ABHD2: variants seen among roughly 807,000 people sequenced by gnomAD.
ABHD2 encodes abhydrolase domain containing 2, acylglycerol lipase.
Under a neutral mutation model 48.1 loss-of-function variants are expected in ABHD2, and 20 were observed. That is an observed-to-expected ratio of 0.42 (90% CI 0.29 to 0.60). The LOEUF (loss-of-function observed/expected upper bound fraction) is 0.60, where lower values mean the gene tolerates loss of function less well. Ranked by LOEUF, ABHD2 falls within the 20% of genes least tolerant of loss-of-function variation. The pLI, the probability that ABHD2 is intolerant of heterozygous loss-of-function variation, is 0.24. For missense variants in ABHD2, 405 were observed against 550.9 expected, an observed-to-expected ratio of 0.74 and a Z score of 2.65; for synonymous variants, 209 against 214.2, an observed-to-expected ratio of 0.98 and a Z score of 0.21.
At chr15:89,123,866 C>G (rs191572272) in intron 3 of ABHD2, among the ~76,000 whole-genome samples, 1 of 152,236 alleles carries the variant, frequency 6.6e-6, no homozygotes, top group East Asian at 1.9e-4. Flanking sequence ...CCTCAGCCTC[C>G]CAAAGTGCTG....
the ABHD2 span, among the ~76,000 whole-genome samples, chr15:89,080,862 A>G: frequency 1.3e-5 from 2 of 151,746 alleles, no homozygotes; most frequent in African/African-American, 2.4e-5. Context: ...ACCTGGCCCA[A>G]ATTTTACTCT....
chr15:89,144,985 A>T (rs35586445), intron 3 of ABHD2, among the ~76,000 whole-genome samples: 59,062 of 152,062 alleles, frequency 0.39, 12,242 homozygotes, highest in East Asian at 0.81. Flanking sequence ...GGCCGGGCAC[A>T]GTGGCTCACA....
At chr15:89,171,242 C>T (rs1050143350) in intron 5 of ABHD2, among the ~76,000 whole-genome samples, 3 of 152,224 alleles carry the variant, frequency 2.0e-5, no homozygotes, top group African/African-American at 7.2e-5. Flanking sequence ...CTTCTCAGCC[C>T]ACCCAGACCA....
rs1483238384 is a variant in ABHD2, at chr15:89,146,642, A to G, written c.195-5035A>G. Among the ~76,000 whole-genome samples the G allele has an allele frequency of 6.6e-6, 1 of 152,314 alleles. No individual in the cohort carries two copies. The highest frequency in any genetic ancestry group is 1.9e-4 in the East Asian group (1 of 5,188). ...TAAAGAAGTAGAAGAGACTGTTTCT[A>G]CTTTCAGGGAGTTAAGGGTAAAACA... On this transcript the variant is annotated intron_variant, in intron 3 of 10. Coordinates refer to ENST00000352732, the MANE Select transcript of ABHD2 (RefSeq NM_152924.5). This position sits in a 1 kb window ranked among gnomAD's most constrained non-coding sequence, Gnocchi z 4.2.
chr15:89,115,539 T>C (rs1001389438), intron 2 of ABHD2, among the ~76,000 whole-genome samples: 1 of 152,142 alleles, frequency 6.6e-6, no homozygotes, highest in African/African-American at 2.4e-5. Context: ...TTTGACCTAG[T>C]GGTCAATTTG....
rs117108927 is a variant in ABHD2 at position 89,101,414 on chromosome 15, C to T, written c.-106-12311C>T. ...AGCTTTCTCTCCTGATGTACAGTGG[C>T]GTGGCAATTACTCATAAAGGCCTGT... On this transcript the variant is annotated intron_variant, in intron 1 of 10. Transcript: ENST00000352732. Among the ~76,000 whole-genome samples the T allele has an allele frequency of 1.8e-3, 272 of 152,280 alleles. 1 individual carries two copies. The highest frequency in any genetic ancestry group is 2.6e-3 in the Non-Finnish European group (176 of 68,016).
At position 89,174,039 on chromosome 15, in the gene ABHD2, G is replaced by T. The variant is rs764860425; in HGVS notation, c.539-1773G>T. On this transcript the variant is annotated intron_variant, in intron 5 of 10. Transcript: ENST00000352732. The surrounding 1 kb of genome is among the most constrained non-coding windows in gnomAD (Gnocchi z 4.1). ...GGAAGAGGCATGAGGAGGCCTCCAG[G>T]GGTGTCAAAAATATTCTGCGTCTTC... 1.3e-5 allele frequency among the ~76,000 whole-genome samples: 2 copies of T among 152,104 alleles called. No individual in the cohort carries two copies. Among genetic ancestry groups the T allele is most frequent in the Non-Finnish European group, 2.9e-5 (2 of 68,024 alleles).
chr15:89,151,696 T>C lies in ABHD2; in HGVS notation c.214T>C (p.Trp72Arg). 1 of 1,614,074 alleles carries C rather than the reference T, an allele frequency of 6.2e-7. No individual in the cohort carries two copies. Among genetic ancestry groups the C allele is most frequent in the Non-Finnish European group, 8.5e-7 (1 of 1,179,954 alleles). ...CTTTAGATACATTCCACCGTTGATCTGGGGGAAAAGTGGACACATCCAGAC... is the reference window on the plus strand; with the variant it reads ...CTTTAGATACATTCCACCGTTGATCCGGGGGAAAAGTGGACACATCCAGAC... ...LTKEYIPPLI[W>R]GKSGHIQTAL... The change falls in exon 4 of 11, where the codon TGG becomes CGG. Residue 72 changes from tryptophan to arginine, a missense_variant. Coordinates refer to ENST00000352732, the MANE Select transcript of ABHD2 (RefSeq NM_152924.5). The surrounding 1 kb of genome is among the most constrained non-coding windows in gnomAD (Gnocchi z 4.7).
chr15:89,097,157 A>G lies in ABHD2; in HGVS notation c.-107+8594A>G, dbSNP rs1435833347. ...AAGATATACAGAAGTAGAGAGAATC[A>G]TATAATGAACCTCCAAGCCCCACAA... On this transcript the variant is annotated intron_variant, in intron 1 of 10. Transcript: ENST00000352732. This position sits in a 1 kb window ranked among gnomAD's most constrained non-coding sequence, Gnocchi z 4.2. Among the ~76,000 whole-genome samples, 1 of 152,212 alleles carries G rather than the reference A, an allele frequency of 6.6e-6. No homozygotes were observed. Among genetic ancestry groups the G allele is most frequent in the East Asian group, 1.9e-4 (1 of 5,204 alleles).
intron 3 of ABHD2, among the ~76,000 whole-genome samples, chr15:89,132,811 G>A (rs1477238198): frequency 1.3e-5 from 2 of 152,170 alleles, no homozygotes; most frequent in East Asian, 1.9e-4. Flanking sequence ...GTTTGGTGGC[G>A]CTCTCTCACT....
At chr15:89,044,437 T>C in the ABHD2 span, among the ~76,000 whole-genome samples, 4 of 152,110 alleles carry the variant, frequency 2.6e-5, no homozygotes, top group Non-Finnish European at 5.9e-5. Context: ...GATGGCTGGG[T>C]CAAATGGTAT....
chr15:89,045,561 C>G, the ABHD2 span, among the ~76,000 whole-genome samples: 2 of 152,028 alleles, frequency 1.3e-5, no homozygotes, highest in African/African-American at 4.8e-5. Context: ...TTGTTTGTAT[C>G]CTCTTTTATT....
Position 89,114,849 on chromosome 15 carries a change from G to A in ABHD2, c.-7+1025G>A, listed in dbSNP as rs1448684467. On this transcript the variant is annotated intron_variant, in intron 2 of 10. Coordinates refer to ENST00000352732, the MANE Select transcript of ABHD2 (RefSeq NM_152924.5). The surrounding 1 kb of genome is among the most constrained non-coding windows in gnomAD (Gnocchi z 4.2). ...CAGTGTAGCTGAGTTTATATTCATG[G>A]CCTAGCCTTGATTTGAAATTGTGTC... Among the ~76,000 whole-genome samples, 3 of 152,182 alleles carry A rather than the reference G, an allele frequency of 2.0e-5. No homozygotes were observed. The highest frequency in any genetic ancestry group is 4.4e-5 in the Non-Finnish European group (3 of 68,030).
chr15:89,138,727 G>C (rs866479710), intron 3 of ABHD2, among the ~76,000 whole-genome samples: 1 of 152,154 alleles, frequency 6.6e-6, no homozygotes, highest in Non-Finnish European at 1.5e-5. Context: ...TTTGACAGTT[G>C]ATCAGACAGG....
At chr15:89,101,793 G>T (rs1232077969) in intron 1 of ABHD2, among the ~76,000 whole-genome samples, 1 of 152,180 alleles carries the variant, frequency 6.6e-6, no homozygotes, top group Non-Finnish European at 1.5e-5. Flanking sequence ...TCTTTGTATG[G>T]TTCAGCAGGT....
chr15:89,065,389 G>A, the ABHD2 span, among the ~76,000 whole-genome samples: 1 of 152,108 alleles, frequency 6.6e-6, no homozygotes, highest in African/African-American at 2.4e-5. Context: ...AATTGTCCAG[G>A]GCAGACTTGG....
chr15:89,175,670 C>A lies in ABHD2; in HGVS notation c.539-142C>A. 1.2e-6 allele frequency: 1 copy of A among 857,258 alleles called. No homozygotes were observed. The highest frequency in any genetic ancestry group is 1.8e-6 in the Non-Finnish European group (1 of 560,060). 53.1% of individuals were successfully genotyped at this position (857,258 alleles called of 1,614,324 possible). ...CTGTCTCTCTCTCCACACACATCCC[C>A]CGACACACACACGTATATATACACA... On this transcript the variant is annotated intron_variant, in intron 5 of 10. Transcript: ENST00000352732. The surrounding 1 kb of genome is among the most constrained non-coding windows in gnomAD (Gnocchi z 5.7).
At chr15:89,064,783 A>G in the ABHD2 span, among the ~76,000 whole-genome samples, 1 of 152,056 alleles carries the variant, frequency 6.6e-6, no homozygotes, top group African/African-American at 2.4e-5. Flanking sequence ...AATCTTTCCA[A>G]TTTGTATTGA....
intron 1 of ABHD2, among the ~76,000 whole-genome samples, chr15:89,095,700 TG>T (rs961657796): frequency 6.6e-6 from 1 of 152,228 alleles, no homozygotes; most frequent in Non-Finnish European, 1.5e-5. Context: ...CCACACTTTT[TG>T]CTTTCCTCGT....
Sources: gnomAD v4.1 joint callset for allele counts (sites outside exome capture counted in the v4.1 genomes callset) on GRCh38, gnomAD v4.1.1 for gene constraint, Gnocchi (gnomAD v3.1) non-coding constraint, MANE v1.5 for transcripts, NCBI Gene and HGNC (gene_info 2026-07-23, HGNC 2026-07-21) for gene names.